TLX2: variants seen among roughly 807,000 people sequenced by gnomAD.
TLX2 encodes the protein T cell leukemia homeobox 2, also known as T-cell leukemia homeobox protein 2.
Under a neutral mutation model 21.7 loss-of-function variants are expected in TLX2, and 15 were observed. The observed-to-expected ratio is 0.69, with a 90% CI of 0.46 to 1.07. TLX2 has a LOEUF of 1.07. TLX2 is among the 50% of genes least tolerant of loss of function. The pLI is 0.00. For synonymous variants in TLX2, 213 were observed against 193.1 expected, an observed-to-expected ratio of 1.10 and a Z score of -0.85; for missense variants, 384 against 409.1, an observed-to-expected ratio of 0.94 and a Z score of 0.53.
rs1442928626 is a variant in TLX2, at chr2:74,514,657, G to A, written c.-150G>A. The A allele has an allele frequency of 1.0e-5, 15 of 1,483,668 alleles. No homozygotes were observed. Among genetic ancestry groups the A allele is most frequent in the Non-Finnish European group, 1.2e-5 (14 of 1,120,480 alleles). The allele number at this position is 1,483,668 out of a possible 1,614,324, so 91.9% of individuals were successfully genotyped here. On this transcript the variant is annotated 5_prime_UTR_variant, in exon 1 of 3. Transcript: ENST00000233638. This position sits in a 1 kb window ranked among gnomAD's most constrained non-coding sequence, Gnocchi z 5.0. ...GCTGCTCCGGGTGCACAGGGATGCT[G>A]CTGTTTCGGGGACCCCGGCGCCCTG...
chr2:74,515,001 A>T lies in TLX2; in HGVS notation c.195A>T (p.Ser65=). ...HGASGYGPAG[S]LAPLPGSSGV... ...CCTCGGGCTACGGTCCCGCCGGCTC[A>T]CTTGCCCCGCTGCCCGGCAGCTCCG... Residue 65 remains serine (S), a synonymous_variant, in exon 1 of 3, where the codon TCA becomes TCT. Coordinates refer to ENST00000233638, the MANE Select transcript of TLX2 (RefSeq NM_016170.5). The surrounding 1 kb of genome is among the most constrained non-coding windows in gnomAD (Gnocchi z 6.6). The T allele has an allele frequency of 6.5e-7, 1 of 1,536,186 alleles. No individual in the cohort carries two copies. The highest frequency in any genetic ancestry group is 8.8e-7 in the Non-Finnish European group (1 of 1,142,708).
Position 74,516,262 on chromosome 2 carries a change from C to A in TLX2, c.*73C>A. ...GCGCGCGGCTGCCTGCGTCCATGGT[C>A]TAGTGGCAGCCGGGCGCGTGAGGAG... On this transcript the variant is annotated 3_prime_UTR_variant, in exon 3 of 3. Coordinates refer to ENST00000233638, the MANE Select transcript of TLX2 (RefSeq NM_016170.5). The A allele has an allele frequency of 6.4e-7, 1 of 1,550,968 alleles. No individual in the cohort carries two copies. The highest frequency in any genetic ancestry group is 1.2e-5 in the South Asian group (1 of 85,494).
chr2:74,514,578 C>A lies in TLX2; in HGVS notation c.-229C>A. ...TCCAGGGGCCCCAGCTGGCCGTGCTCCCCCGGGATGCAAGTCCCTGCGCTG... is the reference window on the plus strand; with the variant it reads ...TCCAGGGGCCCCAGCTGGCCGTGCTACCCCGGGATGCAAGTCCCTGCGCTG... On this transcript the variant is annotated 5_prime_UTR_variant, in exon 1 of 3. Transcript: ENST00000233638. The surrounding 1 kb of genome is among the most constrained non-coding windows in gnomAD (Gnocchi z 5.0). 1 of 1,404,690 alleles carries A rather than the reference C, an allele frequency of 7.1e-7. No individual in the cohort carries two copies. The highest frequency in any genetic ancestry group is 9.2e-7 in the Non-Finnish European group (1 of 1,086,634). The allele number at this position is 1,404,690 out of a possible 1,614,324, so 87.0% of individuals were successfully genotyped here.
Position 74,516,170 on chromosome 2 carries a change from G to A in TLX2, c.836G>A (p.Gly279Glu), listed in dbSNP as rs562212208. Residue 279 changes from glycine (G) to glutamate (E), a missense_variant, in exon 3 of 3, where the codon GGG becomes GAG. Physicochemically the swap from Gly to Glu is moderately conservative, Grantham distance 98. Coordinates refer to ENST00000233638, the MANE Select transcript of TLX2 (RefSeq NM_016170.5). Reference protein sequence around the residue: ...AEDNKVASVSGLASVV With the variant: ...AEDNKVASVSELASVV ...GACAACAAAGTGGCTTCAGTGTCCG[G>A]GCTCGCCTCGGTGGTGTGAGCGACG... The A allele has an allele frequency of 6.2e-7, 1 of 1,610,034 alleles. No homozygotes were observed. The highest frequency in any genetic ancestry group is 8.5e-7 in the Non-Finnish European group (1 of 1,178,826).
chr2:74,514,984 T>G lies in TLX2; in HGVS notation c.178T>G (p.Tyr60Asp), dbSNP rs1674845442. Residue 60 changes from tyrosine (Y) to aspartate (D), a missense_variant, in exon 1 of 3, where the codon TAC becomes GAC. By Grantham distance (160) the Tyr-to-Asp change is radical (BLOSUM62 -3). Coordinates refer to ENST00000233638, the MANE Select transcript of TLX2 (RefSeq NM_016170.5). The surrounding 1 kb of genome is among the most constrained non-coding windows in gnomAD (Gnocchi z 5.0). ...GGGTGGATACCACGGAGCCTCGGGC[T>G]ACGGTCCCGCCGGCTCACTTGCCCC... ...FSGGYHGASG[Y>D]GPAGSLAPLP... is the part of the protein sequence containing the mutation. 3.2e-6 allele frequency: 5 copies of G among 1,552,852 alleles called. No homozygotes were observed. Among genetic ancestry groups the G allele is most frequent in the South Asian group, 1.2e-5 (1 of 85,094 alleles).
chr2:74,515,182 C>A lies in TLX2; in HGVS notation c.376C>A (p.Arg126Ser), dbSNP rs1373648819. ...LTFPWMDSGR[R>S]FAKDRLTAAL... ...CTTCCCCTGGATGGACAGCGGCCGC[C>A]GCTTTGCCAAGGACCGGCTCACGGG... The change falls in exon 1 of 3, where the codon CGC becomes AGC. Residue 126 changes from arginine to serine, a missense_variant. Transcript: ENST00000233638. The surrounding 1 kb of genome is among the most constrained non-coding windows in gnomAD (Gnocchi z 6.6). The A allele has an allele frequency of 1.9e-5, 29 of 1,541,278 alleles. No individual in the cohort carries two copies. The highest frequency in any genetic ancestry group is 2.5e-5 in the Non-Finnish European group (29 of 1,147,732).
Position 74,516,553 on chromosome 2 carries a change from G to A in TLX2, c.*364G>A. The stretch of plus-strand genomic sequence containing the variant: ...ATTCTCCGGCGGGTGGTCGGGAGCT[G>A]GGGCTCTGAGGGGCTCTAGCGGCGT... On this transcript the variant is annotated 3_prime_UTR_variant, in exon 3 of 3. Transcript: ENST00000233638. 8.5e-7 allele frequency: 1 copy of A among 1,174,668 alleles called. No individual in the cohort carries two copies. Among genetic ancestry groups the A allele is most frequent in the Non-Finnish European group, 1.1e-6 (1 of 937,144 alleles). The allele number at this position is 1,174,668 out of a possible 1,614,324, so 72.8% of individuals were successfully genotyped here.
rs1674830701 is a variant in TLX2, at chr2:74,514,560, G to A, written c.-247G>A. Reference sequence around the variant, plus strand: ...AAGAGCCAGCAAGGAAGCTCCAGGGGCCCCAGCTGGCCGTGCTCCCCCGGG... The same window carrying A: ...AAGAGCCAGCAAGGAAGCTCCAGGGACCCCAGCTGGCCGTGCTCCCCCGGG... On this transcript the variant is annotated 5_prime_UTR_variant, in exon 1 of 3. Coordinates refer to ENST00000233638, the MANE Select transcript of TLX2 (RefSeq NM_016170.5). The surrounding 1 kb of genome is among the most constrained non-coding windows in gnomAD (Gnocchi z 5.0). 7.2e-7 allele frequency: 1 copy of A among 1,392,898 alleles called. No individual in the cohort carries two copies. The highest frequency in any genetic ancestry group is 9.3e-7 in the Non-Finnish European group (1 of 1,079,536). The allele number at this position is 1,392,898 out of a possible 1,614,324, so 86.3% of individuals were successfully genotyped here. A position where few individuals can be genotyped will look rare whatever the true frequency, so the allele number is the denominator to read the frequency against.
chr2:74,515,297 C>A lies in TLX2; in HGVS notation c.400+91C>A. ...TCTGCTCCAACTCAAGGACCCCTTT[C>A]ACACCTCCCACTAGATCCTCCCAGG... On this transcript the variant is annotated intron_variant, in intron 1 of 2. Coordinates refer to ENST00000233638, the MANE Select transcript of TLX2 (RefSeq NM_016170.5). This position sits in a 1 kb window ranked among gnomAD's most constrained non-coding sequence, Gnocchi z 6.6. 1 of 1,530,856 alleles carries A rather than the reference C, an allele frequency of 6.5e-7. No individual in the cohort carries two copies. The highest frequency in any genetic ancestry group is 8.7e-7 in the Non-Finnish European group (1 of 1,144,320). The allele number at this position is 1,530,856 out of a possible 1,614,324, so 94.8% of individuals were successfully genotyped here. A position where few individuals can be genotyped will look rare whatever the true frequency, so the allele number is the denominator to read the frequency against.
In TLX2 at chr2:74,516,421, C is replaced by T; in HGVS notation, c.*232C>T. The T allele has an allele frequency of 7.1e-7, 1 of 1,414,326 alleles. No homozygotes were observed. The allele number at this position is 1,414,326 out of a possible 1,614,324, so 87.6% of individuals were successfully genotyped here. ...TCACTTCACTGCCGTTACGCCCTCG[C>T]TGGAACCTGAGGCGCCGAGAGGGCG... On this transcript the variant is annotated 3_prime_UTR_variant, in exon 3 of 3. Transcript: ENST00000233638.
In TLX2 at chr2:74,514,779, C is replaced by T; in HGVS notation, c.-28C>T. ...GAGGCATCCTCCCCAACCACCGAAC[C>T]TCCGGCGGTTCTCCTCGGCCCAGAC... On this transcript the variant is annotated 5_prime_UTR_variant, in exon 1 of 3. Transcript: ENST00000233638. This position sits in a 1 kb window ranked among gnomAD's most constrained non-coding sequence, Gnocchi z 5.0. 1 of 1,611,730 alleles carries T rather than the reference C, an allele frequency of 6.2e-7. No individual in the cohort carries two copies. Among genetic ancestry groups the T allele is most frequent in the Non-Finnish European group, 8.5e-7 (1 of 1,179,350 alleles).
In TLX2 at chr2:74,514,617, G is replaced by A. The variant is rs1383286173; in HGVS notation, c.-190G>A. ...GTCCCTGCGCTGACGCCCGGCAGCG[G>A]CTGGCACGGGCGCGGCTGCTCCGGG... On this transcript the variant is annotated 5_prime_UTR_variant, in exon 1 of 3. Transcript: ENST00000233638. The surrounding 1 kb of genome is among the most constrained non-coding windows in gnomAD (Gnocchi z 5.0). The A allele has an allele frequency of 3.5e-6, 5 of 1,415,056 alleles. No individual in the cohort carries two copies. The highest frequency in any genetic ancestry group is 4.6e-6 in the Non-Finnish European group (5 of 1,091,652). The allele number at this position is 1,415,056 out of a possible 1,614,324, so 87.7% of individuals were successfully genotyped here. A position where few individuals can be genotyped will look rare whatever the true frequency, so the allele number is the denominator to read the frequency against.
In TLX2 at chr2:74,516,272, C is replaced by G. The variant is rs748226340; in HGVS notation, c.*83C>G. 1.3e-6 allele frequency: 2 copies of G among 1,540,416 alleles called. No homozygotes were observed. The highest frequency in any genetic ancestry group is 2.7e-5 in the African/African-American group (2 of 72,880). On this transcript the variant is annotated 3_prime_UTR_variant, in exon 3 of 3. Transcript: ENST00000233638. ...GCCTGCGTCCATGGTCTAGTGGCAGCCGGGCGCGTGAGGAGCGGCAGGCCT... is the reference window on the plus strand; with the variant it reads ...GCCTGCGTCCATGGTCTAGTGGCAGGCGGGCGCGTGAGGAGCGGCAGGCCT...
In TLX2 at chr2:74,516,292, A is replaced by T; in HGVS notation, c.*103A>T. The T allele has an allele frequency of 3.9e-6, 6 of 1,525,884 alleles. No homozygotes were observed. The highest frequency in any genetic ancestry group is 5.3e-6 in the Non-Finnish European group (6 of 1,141,628). 94.5% of individuals were successfully genotyped at this position (1,525,884 alleles called of 1,614,324 possible). On this transcript the variant is annotated 3_prime_UTR_variant, in exon 3 of 3. Coordinates refer to ENST00000233638, the MANE Select transcript of TLX2 (RefSeq NM_016170.5). ...GGCAGCCGGGCGCGTGAGGAGCGGC[A>T]GGCCTTGAGGCTGTCGTCGAGGGCT...
Position 74,515,935 on chromosome 2 carries a change from G to C in TLX2, c.639-38G>C. 1 of 1,499,730 alleles carries C rather than the reference G, an allele frequency of 6.7e-7. No individual in the cohort carries two copies. The highest frequency in any genetic ancestry group is 2.5e-5 in the East Asian group (1 of 39,664). The allele number at this position is 1,499,730 out of a possible 1,614,324, so 92.9% of individuals were successfully genotyped here. ...AGCAGGGCCTGGTGAGAAGCGACGC[G>C]GCGGGCGCCCCGCTGACCCCGCGTC... On this transcript the variant is annotated intron_variant, in intron 2 of 2. Transcript: ENST00000233638. The surrounding 1 kb of genome is among the most constrained non-coding windows in gnomAD (Gnocchi z 6.6).
rs1238341034 is a variant in TLX2 at position 74,515,091 on chromosome 2, TG to T, written c.292del (p.Ala98ArgfsTer16). 8.5e-6 allele frequency: 13 copies of T among 1,525,294 alleles called. No individual in the cohort carries two copies. Among genetic ancestry groups the T allele is most frequent in the East Asian group, 2.6e-5 (1 of 38,412 alleles). The allele number at this position is 1,525,294 out of a possible 1,614,324, so 94.5% of individuals were successfully genotyped here. A position where few individuals can be genotyped will look rare whatever the true frequency, so the allele number is the denominator to read the frequency against. ...HRPLPVPPPAGGAPAVPGPSG... is the reference protein window; with the variant it reads ...HRPLPVPPPAXGAPAVPGPSG... ...GCCCGCTGCCTGTGCCGCCGCCCGC[TG>T]GGGGGGCGCCTGCAGTGCCTGGGCC... is the stretch of plus-strand genomic sequence containing the variant. On this transcript the variant is annotated frameshift_variant, in exon 1 of 3. Coordinates refer to ENST00000233638, the MANE Select transcript of TLX2 (RefSeq NM_016170.5). LOFTEE classifies it high-confidence loss of function. The surrounding 1 kb of genome is among the most constrained non-coding windows in gnomAD (Gnocchi z 6.6).
At position 74,515,078 on chromosome 2, in the gene TLX2, T is replaced by A; in HGVS notation, c.272T>A (p.Val91Glu). 6.6e-7 allele frequency: 1 copy of A among 1,525,116 alleles called. No individual in the cohort carries two copies. Among genetic ancestry groups the A allele is most frequent in the Non-Finnish European group, 8.8e-7 (1 of 1,138,482 alleles). The allele number at this position is 1,525,116 out of a possible 1,614,324, so 94.5% of individuals were successfully genotyped here. Residue 91 changes from valine to glutamate, a missense_variant, in exon 1 of 3, where the codon GTG (valine) becomes GAG (glutamate). Val to Glu is a moderately radical substitution (Grantham distance 121). Transcript: ENST00000233638. This position sits in a 1 kb window ranked among gnomAD's most constrained non-coding sequence, Gnocchi z 6.6. The stretch of plus-strand genomic sequence containing the variant: ...GTCCCTGCGCACCGCCCGCTGCCTG[T>A]GCCGCCGCCCGCTGGGGGGGCGCCT... ...IRVPAHRPLP[V>E]PPPAGGAPAV...
chr2:74,515,148 G>A lies in TLX2; in HGVS notation c.342G>A (p.Ala114=), dbSNP rs542266697. 1 of 1,541,042 alleles carries A rather than the reference G, an allele frequency of 6.5e-7. No homozygotes were observed. The highest frequency in any genetic ancestry group is 1.2e-5 in the South Asian group (1 of 84,028). The change falls in exon 1 of 3, where the codon GCG becomes GCA. Residue 114 remains alanine, a synonymous_variant. Transcript: ENST00000233638. This position sits in a 1 kb window ranked among gnomAD's most constrained non-coding sequence, Gnocchi z 6.6. ...GTTTGGGCGGCGCCGGAGGCCTAGC[G>A]GGACTCACCTTCCCCTGGATGGACA... ...PSGLGGAGGL[A]GLTFPWMDSG...
rs994425023 is a variant in TLX2, at chr2:74,514,878, C to T, written c.72C>T (p.Ile24=). 6.2e-7 allele frequency: 1 copy of T among 1,612,728 alleles called. No homozygotes were observed. The highest frequency in any genetic ancestry group is 8.5e-7 in the Non-Finnish European group (1 of 1,179,572). ...HEPISFGIDQ[I]LSGPETPGGG... ...CAATCAGCTTCGGCATCGATCAGAT[C>T]CTGAGCGGCCCCGAAACCCCAGGGG... Residue 24 remains isoleucine, a synonymous_variant, in exon 1 of 3, where the codon ATC becomes ATT. Coordinates refer to ENST00000233638, the MANE Select transcript of TLX2 (RefSeq NM_016170.5). The surrounding 1 kb of genome is among the most constrained non-coding windows in gnomAD (Gnocchi z 5.0).
Sources: allele counts gnomAD v4.1 joint callset, GRCh38; gene constraint gnomAD v4.1.1; non-coding constraint Gnocchi (gnomAD v3.1); transcripts MANE v1.5; gene names NCBI Gene and HGNC (gene_info 2026-07-23, HGNC 2026-07-21).